Variants in LAMA3 observed in about 807,000 individuals in gnomAD.
LAMA3 encodes laminin subunit alpha-3.
LAMA3 carries 281 observed loss-of-function variants against 402.0 expected under a neutral mutation model. The observed-to-expected ratio is 0.70, with a 90% confidence interval of 0.63 to 0.77. The LOEUF (loss-of-function observed/expected upper bound fraction) is 0.77, where lower values mean the gene tolerates loss of function less well. LAMA3 is among the 30% of genes least tolerant of loss of function. The probability of loss-of-function intolerance (pLI) is 0.00; values close to 1 mark genes in which losing one functional copy is unlikely to be tolerated. For synonymous variants in LAMA3, 1,431 were observed against 1,558.4 expected (o/e 0.92, Z 1.93); for missense variants, 3,840 against 4,215.5 (o/e 0.91, Z 2.47).
chr18:23,914,849 C>T lies in LAMA3; in HGVS notation c.7633C>T (p.Pro2545Ser), dbSNP rs2081560032. The change falls in exon 58 of 75, where the codon CCT becomes TCT. Residue 2545 changes from proline to serine, a missense_variant. Physicochemically the swap from Pro to Ser is moderately conservative, Grantham distance 74. Transcript: ENST00000313654. ...TGTATTTTATGTTGGAGGTTACCCA[C>T]CTGATTTTAAAGTAAGTGTAAATGT... ...NVVFYVGGYP[P>S]DFKLPSRLSF... is the part of the protein sequence containing the mutation. 6.2e-7 allele frequency: 1 copy of T among 1,611,306 alleles called. No homozygotes were observed. The highest frequency in any genetic ancestry group is 2.2e-5 in the East Asian group (1 of 44,842).
intron 7 of LAMA3, among the ~76,000 whole-genome samples, chr18:23,761,755 C>G (rs915505919): frequency 6.6e-6 from 1 of 151,306 alleles, no homozygotes; most frequent in Non-Finnish European, 1.5e-5. Flanking sequence ...ATAAAACATG[C>G]CAGTAAAATA....
At chr18:23,908,402 C>T (rs188736282) in intron 54 of LAMA3, among the ~76,000 whole-genome samples, 1,646 of 151,652 alleles carry the variant, frequency 0.011, 24 homozygotes, top group Non-Finnish European at 0.018. Context: ...TGGTGATGGG[C>T]GCCTGTAGTC....
At chr18:23,904,481 A>G in intron 50 of LAMA3, 72 bp from the exon 51 acceptor site, 1 of 1,426,050 alleles carries the variant, frequency 7.0e-7, no homozygotes, top group African/African-American at 1.4e-5. Context: ...GAAGAAATGG[A>G]AAGGTTTGGG....
intron 1 of LAMA3, among the ~76,000 whole-genome samples, chr18:23,692,352 A>T (rs1258707383): frequency 2.0e-5 from 3 of 152,078 alleles, no homozygotes; most frequent in Non-Finnish European, 4.4e-5. Flanking sequence ...GCTCACTGCA[A>T]CCTCCGCCTC....
At chr18:23,774,481 C>T (rs889847915) in intron 9 of LAMA3, among the ~76,000 whole-genome samples, 8 of 152,266 alleles carry the variant, frequency 5.3e-5, no homozygotes, top group African/African-American at 1.7e-4. Context: ...GTGACAAAAC[C>T]GCTAACTGCT....
At chr18:23,792,814 G>C (rs982788781) in intron 12 of LAMA3, among the ~76,000 whole-genome samples, 3 of 152,224 alleles carry the variant, frequency 2.0e-5, no homozygotes, top group African/African-American at 7.2e-5. Flanking sequence ...ATCCAGGTGA[G>C]TGTCTTGGTT....
intron 2 of LAMA3, among the ~76,000 whole-genome samples, chr18:23,720,802 GTGCTT>G (rs1232905527): frequency 6.6e-6 from 1 of 152,102 alleles, no homozygotes; most frequent in African/African-American, 2.4e-5. Context: ...TTAATTTGGG[GTGCTT>G]TGAAGTAATT....
At chr18:23,943,714 C>G in intron 68 of LAMA3, 74 bp from the exon 69 acceptor site, 1 of 1,409,282 alleles carries the variant, frequency 7.1e-7, no homozygotes, top group Admixed American at 1.7e-5. Context: ...TGCTCCCCAC[C>G]CTCTGTCTCA....
intron 11 of LAMA3, among the ~76,000 whole-genome samples, chr18:23,778,586 G>A (rs1319380375): frequency 6.6e-6 from 1 of 152,138 alleles, no homozygotes; most frequent in African/African-American, 2.4e-5. Context: ...GCATCCACAG[G>A]GAGGCACAGG....
chr18:23,758,303 G>A (rs2061892594), intron 6 of LAMA3, 93 bp from the exon 7 acceptor site: 7 of 834,754 alleles, frequency 8.4e-6, no homozygotes, highest in Admixed American at 4.0e-5. Flanking sequence ...GTGGATGACC[G>A]TGATGACTCG....
At chr18:23,736,827 C>T (rs2061483227) in intron 2 of LAMA3, among the ~76,000 whole-genome samples, 1 of 152,076 alleles carries the variant, frequency 6.6e-6, no homozygotes, top group Non-Finnish European at 1.5e-5. Context: ...GGAAGGTGTG[C>T]AGGGGAAGAC....
intron 2 of LAMA3, among the ~76,000 whole-genome samples, chr18:23,723,038 T>C (rs1332894529): frequency 6.6e-6 from 1 of 152,188 alleles, no homozygotes; most frequent in African/African-American, 2.4e-5. Context: ...TATGGAATTT[T>C]ATTATTATTA....
At chr18:23,774,850 A>G (rs1360714204) in intron 9 of LAMA3, among the ~76,000 whole-genome samples, 1 of 152,210 alleles carries the variant, frequency 6.6e-6, no homozygotes, top group Non-Finnish European at 1.5e-5. Flanking sequence ...CTTCTTCCAC[A>G]TCATGCTGCA....
chr18:23,753,899 T>C (rs958310452), intron 6 of LAMA3, 87 bp downstream of exon 6: 2 of 886,398 alleles, frequency 2.3e-6, no homozygotes, highest in Non-Finnish European at 3.7e-6. Flanking sequence ...TAAATGTTTC[T>C]AGGTTCCTGT....
intron 72 of LAMA3, among the ~76,000 whole-genome samples, chr18:23,951,029 C>G (rs1475405794): frequency 2.0e-5 from 3 of 152,170 alleles, no homozygotes; most frequent in Admixed American, 1.3e-4. Flanking sequence ...ATAGGCTGTC[C>G]CATCTAGCTA....
At position 23,915,515 on chromosome 18, in the gene LAMA3, C is replaced by CT; in HGVS notation, c.7778+94dup. On this transcript the variant is annotated intron_variant, in intron 59 of 74. Transcript: ENST00000313654. ...TGATAAAGGATGGGCCAGTGAGATG[C>CT]TATTGATGTTGCTAGTTGCTTTGGG... 14 of 1,251,062 alleles carry CT rather than the reference C, an allele frequency of 1.1e-5. 1 individual carries two copies. In the South Asian group the frequency reaches 1.7e-4, roughly 15 times the overall value. 77.5% of individuals were successfully genotyped at this position (1,251,062 alleles called of 1,614,324 possible). A position where few individuals can be genotyped will look rare whatever the true frequency, so the allele number is the denominator to read the frequency against.
chr18:23,749,389 A>T lies in LAMA3; in HGVS notation c.566-39A>T, dbSNP rs1421535159. ...CTTAAGAGATTTGCAACAAAATGATAATATTTTGTTTTATAATATTAAAAT... is the reference window on the plus strand; with the variant it reads ...CTTAAGAGATTTGCAACAAAATGATTATATTTTGTTTTATAATATTAAAAT... On this transcript the variant is annotated intron_variant, in intron 3 of 74. Transcript: ENST00000313654. 3 of 1,021,904 alleles carry T rather than the reference A, an allele frequency of 2.9e-6. No individual in the cohort carries two copies. In the Admixed American group the frequency reaches 6.0e-5, roughly 20 times the overall value. 63.3% of individuals were successfully genotyped at this position (1,021,904 alleles called of 1,614,324 possible).
intron 56 of LAMA3, 62 bp downstream of exon 56, chr18:23,912,943 T>C: frequency 2.1e-6 from 3 of 1,458,022 alleles, no homozygotes. Context: ...GGTGTGCTTT[T>C]GAGATGTGTG....
chr18:23,904,669 C>T lies in LAMA3; in HGVS notation c.6590C>T (p.Ala2197Val). The part of the protein sequence containing the change: ...KAAEDAANRA[A>V]SASESALQTV... ...GCCGAGGACGCAGCCAACAGGGCTG[C>T]CAGTGCATCTGAATCTGCCCTCCAG... Residue 2197 changes from alanine to valine, a missense_variant, in exon 51 of 75, where the codon GCC (alanine) becomes GTC (valine). By Grantham distance (64) the Ala-to-Val change is moderately conservative (BLOSUM62 0). Transcript: ENST00000313654. 6.2e-7 allele frequency: 1 copy of T among 1,614,080 alleles called. No homozygotes were observed. The highest frequency in any genetic ancestry group is 8.5e-7 in the Non-Finnish European group (1 of 1,180,020).
Sources: gnomAD v4.1 joint callset for allele counts (sites outside exome capture counted in the v4.1 genomes callset) on GRCh38, gnomAD v4.1.1 for gene constraint, MANE v1.5 for transcripts, NCBI Gene and HGNC (gene_info 2026-07-23, HGNC 2026-07-21) for gene names.